The following WDFY4 variants were observed in gnomAD, a reference collection of about 807,000 sequenced individuals.
WDFY4 encodes the protein WDFY family member 4, also known as WD repeat- and FYVE domain-containing protein 4.
Under a neutral mutation model 351.9 loss-of-function variants are expected in WDFY4, and 169 were observed. That is an observed-to-expected ratio of 0.48 (90% CI 0.42 to 0.55). The LOEUF (loss-of-function observed/expected upper bound fraction) is 0.55, where lower values mean the gene tolerates loss of function less well. Ranked by LOEUF, WDFY4 falls within the 20% of genes least tolerant of loss-of-function variation. The pLI is 0.00. For missense variants in WDFY4, 3,803 were observed against 3,935.6 expected, an observed-to-expected ratio of 0.97 and a Z score of 0.90; for synonymous variants, 1,622 against 1,574.6, an observed-to-expected ratio of 1.03 and a Z score of -0.71.
chr10:48,815,928 G>C (rs2067605996), intron 31 of WDFY4, among the ~76,000 whole-genome samples: 1 of 151,940 alleles, frequency 6.6e-6, no homozygotes, highest in Non-Finnish European at 1.5e-5. Flanking sequence ...TTTGACATCA[G>C]TATTATGCTA....
chr10:48,814,392 C>T (rs979500946), intron 31 of WDFY4, among the ~76,000 whole-genome samples: 5 of 152,226 alleles, frequency 3.3e-5, no homozygotes, highest in African/African-American at 1.2e-4. Context: ...GGAAGGGCCT[C>T]TCCTCTCAAC....
intron 58 of WDFY4, 105 bp downstream of exon 58, chr10:48,975,146 A>T: frequency 6.9e-7 from 1 of 1,450,248 alleles, no homozygotes; most frequent in Non-Finnish European, 9.4e-7. Context: ...CCACCCCAGA[A>T]TGCTGAGAGG....
intron 1 of WDFY4, among the ~76,000 whole-genome samples, chr10:48,708,426 C>A (rs1433331980): frequency 6.6e-6 from 1 of 152,182 alleles, no homozygotes; most frequent in Non-Finnish European, 1.5e-5. Context: ...TTCTCTATGT[C>A]CCTCTGGTCA....
At chr10:48,934,361 A>C (rs1840221529) in intron 47 of WDFY4, among the ~76,000 whole-genome samples, 1 of 152,184 alleles carries the variant, frequency 6.6e-6, no homozygotes, top group South Asian at 2.1e-4. Context: ...CAGACATTAC[A>C]ATTGAGTCAC....
At chr10:48,981,342 C>T (rs1285032864) in intron 60 of WDFY4, 25 bp from the exon 61 acceptor site, 14 of 1,549,692 alleles carry the variant, frequency 9.0e-6, no homozygotes, top group Non-Finnish European at 1.1e-5. Context: ...GGCGTTCTAA[C>T]TCTTCTCTCA....
At chr10:48,813,064 T>C (rs2067512027) in intron 30 of WDFY4, among the ~76,000 whole-genome samples, 1 of 152,178 alleles carries the variant, frequency 6.6e-6, no homozygotes, top group Admixed American at 6.5e-5. Context: ...TGTGCCTGCC[T>C]CCTTAGAAAC....
At position 48,807,960 on chromosome 10, in the gene WDFY4, T is replaced by C; in HGVS notation, c.4838+2T>C. On this transcript the variant is annotated splice_donor_variant, in intron 28 of 61. Coordinates refer to ENST00000325239, the MANE Select transcript of WDFY4 (RefSeq NM_001394531.1). LOFTEE classifies it high-confidence loss of function. ...CCCCCAGCTTCATCTGTCCTCTGAGTAAGTAGCTCCAGGAAGAGCAATTTG... is the reference window on the plus strand; with the variant it reads ...CCCCCAGCTTCATCTGTCCTCTGAGCAAGTAGCTCCAGGAAGAGCAATTTG... 9.1e-6 allele frequency: 14 copies of C among 1,535,418 alleles called. No individual in the cohort carries two copies. The highest frequency in any genetic ancestry group is 1.2e-5 in the Non-Finnish European group (14 of 1,140,094).
Position 48,981,387 on chromosome 10 carries a change from C to T in WDFY4, c.9397C>T (p.Leu3133=), listed in dbSNP as rs1388668915. The stretch of plus-strand genomic sequence containing the variant: ...CACAGGCCACAAGTGGGAGAAGAAC[C>T]TGGCCTTGAGTCGAGAGCTGGACGT... ...SPRGHKWEKN[L]ALSRELDVSI... is the part of the protein sequence containing the mutation. Residue 3133 remains leucine, a synonymous_variant, in exon 61 of 62, where the codon CTG becomes TTG. Transcript: ENST00000325239. 6.4e-7 allele frequency: 1 copy of T among 1,551,788 alleles called. No individual in the cohort carries two copies. Among genetic ancestry groups the T allele is most frequent in the Non-Finnish European group, 8.7e-7 (1 of 1,147,010 alleles).
chr10:48,744,011 G>T (rs942120594), intron 12 of WDFY4, among the ~76,000 whole-genome samples: 1 of 152,184 alleles, frequency 6.6e-6, no homozygotes, highest in Non-Finnish European at 1.5e-5. Context: ...AACTCTTTCT[G>T]TTCTTTCTTG....
Position 48,963,949 on chromosome 10 carries a change from C to A in WDFY4, c.8331C>A (p.His2777Gln), listed in dbSNP as rs1429159300. ...CAGTGGATGCTGTTAATATCTTCCA[C>A]CCCTACTTCTACGGTGACAGAATGG... ...PAAVDAVNIF[H>Q]PYFYGDRMDL... Residue 2777 changes from histidine (H) to glutamine (Q), a missense_variant, in exon 54 of 62, where the codon CAC (histidine) becomes CAA (glutamine). By Grantham distance (24) the His-to-Gln change is conservative. Around this residue, in one of 3 missense-constraint regions of WDFY4, gnomAD observed 3,054 missense variants for 3,148.6 expected, o/e 0.97. Coordinates refer to ENST00000325239, the MANE Select transcript of WDFY4 (RefSeq NM_001394531.1). The A allele has an allele frequency of 5.8e-6, 9 of 1,551,172 alleles. No individual in the cohort carries two copies. Among genetic ancestry groups the A allele is most frequent in the Admixed American group, 2.0e-5 (1 of 50,982 alleles).
chr10:48,840,425 T>C (rs200652414), intron 39 of WDFY4, among the ~76,000 whole-genome samples: 16 of 145,718 alleles, frequency 1.1e-4, no homozygotes, highest in East Asian at 1.0e-3. Flanking sequence ...CACATACACA[T>C]ACACACACAC....
At chr10:48,968,244 GA>G (rs1473738455) in intron 55 of WDFY4, 1 of 152,362 alleles carries the variant, frequency 6.6e-6, no homozygotes, top group Non-Finnish European at 1.5e-5. Flanking sequence ...AGCCAGCGCT[GA>G]GGCAGGAGTC....
At chr10:48,867,217 A>C (rs535179261) in intron 39 of WDFY4, 48 bp from the exon 40 acceptor site, 52 of 835,698 alleles carry the variant, frequency 6.2e-5, no homozygotes, top group East Asian at 4.4e-4. Context: ...AAAATAAAAT[A>C]AAATCACAAC....
At chr10:48,950,985 C>G (rs562611437) in intron 51 of WDFY4, among the ~76,000 whole-genome samples, 1 of 152,360 alleles carries the variant, frequency 6.6e-6, no homozygotes, top group South Asian at 2.1e-4. Context: ...TGCAGAGAGG[C>G]AGGCATGGAG....
rs188932056 is a variant in WDFY4 at position 48,860,667 on chromosome 10, G to A, written c.6664-6598G>A. 9.9e-5 allele frequency among the ~76,000 whole-genome samples: 15 copies of A among 152,186 alleles called. No homozygotes were observed. In the East Asian group the frequency reaches 1.2e-3, roughly 12 times the overall value. On this transcript the variant is annotated intron_variant, in intron 39 of 61. Coordinates refer to ENST00000325239, the MANE Select transcript of WDFY4 (RefSeq NM_001394531.1). The stretch of plus-strand genomic sequence containing the variant: ...TTTTGTAATTATGCATTTTTGCCAC[G>A]TATTGTCCTCTCAATAGTGATTTAG...
Position 48,778,615 on chromosome 10 carries a change from C to G in WDFY4, c.3180C>G (p.Ala1060=). 1 of 1,550,760 alleles carries G rather than the reference C, an allele frequency of 6.4e-7. No homozygotes were observed. Among genetic ancestry groups the G allele is most frequent in the Non-Finnish European group, 8.7e-7 (1 of 1,147,008 alleles). The change falls in exon 18 of 62, where the codon GCC becomes GCG. Residue 1060 remains alanine, a synonymous_variant. Transcript: ENST00000325239. ...CATGCCTGTGTTCCCACCCAGGTGC[C>G]ACCAGACCGTTCCCTCCTCCTGGAG... The part of the protein sequence containing the change: ...YSVSGGIGTG[A]TRPFPPPGGL...
At chr10:48,694,813 T>A (rs1300052901) in intron 1 of WDFY4, among the ~76,000 whole-genome samples, 1 of 152,092 alleles carries the variant, frequency 6.6e-6, no homozygotes, top group Non-Finnish European at 1.5e-5. Flanking sequence ...CCATCCTTAC[T>A]CTTCAGTGTC....
intron 13 of WDFY4, among the ~76,000 whole-genome samples, chr10:48,771,733 A>T (rs962860360): frequency 1.3e-5 from 2 of 152,198 alleles, no homozygotes; most frequent in African/African-American, 4.8e-5. Context: ...CACGTGTATC[A>T]CCTTTAATCT....
chr10:48,829,025 T>C (rs1051013331), intron 37 of WDFY4, 129 bp downstream of exon 37: 8 of 601,590 alleles, frequency 1.3e-5, no homozygotes, highest in Admixed American at 1.0e-4. Context: ...CAGATACTAT[T>C]AAGGACATTT....
Sources: allele counts gnomAD v4.1 joint callset (sites outside exome capture counted in the v4.1 genomes callset), GRCh38; gene constraint gnomAD v4.1.1; regional missense constraint gnomAD v4.1.1; transcripts MANE v1.5; gene names NCBI Gene and HGNC (gene_info 2026-07-23, HGNC 2026-07-21).